Variants in ZFYVE26 observed in about 807,000 individuals in gnomAD.
The protein encoded by ZFYVE26 is zinc finger FYVE-type containing 26.
Under a neutral mutation model 276.5 loss-of-function variants are expected in ZFYVE26, and 181 were observed. That is an observed-to-expected ratio of 0.65 (90% confidence interval 0.58 to 0.74). The LOEUF is 0.74. ZFYVE26 is among the 30% of genes least tolerant of loss of function. ZFYVE26 has a pLI of 0.00. For synonymous variants in ZFYVE26, 1,129 were observed against 1,203.1 expected (o/e 0.94, Z 1.27); for missense variants, 2,821 against 3,097.9 (o/e 0.91, Z 2.12).
chr14:67,809,782 C>T (rs896910347), intron 3 of ZFYVE26, among the ~76,000 whole-genome samples: 7 of 120,112 alleles, frequency 5.8e-5, no homozygotes, highest in Non-Finnish European at 1.2e-4. Context: ...ATTCTTTTCT[C>T]TTTTTTTTTT....
intron 28 of ZFYVE26, among the ~76,000 whole-genome samples, chr14:67,771,588 A>G (rs570217726): frequency 2.3e-4 from 35 of 152,348 alleles, no homozygotes; most frequent in Admixed American, 5.9e-4. Context: ...CCATGAGCCT[A>G]AGAATATATC....
chr14:67,731,207 C>CTTTTTTTTTTTTTT (rs71129853), intron 13 of ZFYVE26, among the ~76,000 whole-genome samples: 13 of 90,604 alleles, frequency 1.4e-4, no homozygotes, highest in Middle Eastern at 9.6e-3. Context: ...TTCTTTCTTT[C>CTTTTTTTTTTTTTT]TTTTTTTTTT....
intron 10 of ZFYVE26, chr14:67,799,457 G>A (rs2040034734): frequency 4.3e-6 from 7 of 1,611,606 alleles, no homozygotes; most frequent in East Asian, 2.2e-5. Flanking sequence ...GGGGCTTGAT[G>A]AAGGCGTGGA....
rs1594917398 is a variant in ZFYVE26 at position 67,786,035 on chromosome 14, A to C, written c.3140-13T>G. The C allele has an allele frequency of 6.2e-7, 1 of 1,614,184 alleles. No individual in the cohort carries two copies. On this transcript the variant is annotated splice_polypyrimidine_tract_variant and intron_variant, in intron 17 of 41. Coordinates refer to ENST00000347230, the MANE Select transcript of ZFYVE26 (RefSeq NM_015346.4). ...TCTTCCACACTCTCTATGGAAAGCA[A>C]ATGAGAAAGAAAAAGTAAAGTCTGT...
At chr14:67,788,902 T>C (rs1159464718) in intron 16 of ZFYVE26, among the ~76,000 whole-genome samples, 5 of 152,186 alleles carry the variant, frequency 3.3e-5, no homozygotes, top group African/African-American at 1.2e-4. Flanking sequence ...CTGATTTCTC[T>C]AAGAATTCTG....
At chr14:67,773,348 C>T (rs1260511047) in intron 27 of ZFYVE26, among the ~76,000 whole-genome samples, 1 of 151,820 alleles carries the variant, frequency 6.6e-6, no homozygotes, top group Non-Finnish European at 1.5e-5. Context: ...TTCAAGAGTT[C>T]GAGACCAGCC....
intron 13 of ZFYVE26, among the ~76,000 whole-genome samples, chr14:67,738,094 T>C (rs746868654): frequency 3.3e-5 from 5 of 151,972 alleles, no homozygotes; most frequent in Non-Finnish European, 7.3e-5. Context: ...TAGCAAATAT[T>C]GGCAAAAATA....
At chr14:67,769,751 G>A (rs748802371) in intron 28 of ZFYVE26, 21 bp from the exon 29 acceptor site, 3 of 1,613,932 alleles carry the variant, frequency 1.9e-6, no homozygotes, top group Non-Finnish European at 2.5e-6. Flanking sequence ...CCATCAGGAG[G>A]AGAAGAAAGA....
intron 22 of ZFYVE26, 67 bp downstream of exon 22, chr14:67,781,266 A>G (rs1566880935): frequency 6.5e-7 from 1 of 1,544,590 alleles, no homozygotes; most frequent in Non-Finnish European, 8.9e-7. Context: ...CCCATCATAT[A>G]AGATAGGTTG....
intron 18 of ZFYVE26, 150 bp downstream of exon 18, chr14:67,785,708 C>T (rs1044189811): frequency 3.7e-5 from 39 of 1,047,438 alleles, no homozygotes; most frequent in Middle Eastern, 3.0e-4. Flanking sequence ...AGTTAAGTTA[C>T]GAGACATTGA....
chr14:67,745,923 C>T (rs1463951946), downstream of ZFYVE26, among the ~76,000 whole-genome samples: 1 of 85,062 alleles, frequency 1.2e-5, no homozygotes, highest in African/African-American at 5.0e-5. Context: ...GAGCTAGACC[C>T]TGTCTCAAAA....
intron 37 of ZFYVE26, among the ~76,000 whole-genome samples, chr14:67,754,434 G>A (rs1011095635): frequency 1.3e-5 from 2 of 152,248 alleles, no homozygotes; most frequent in African/African-American, 4.8e-5. Context: ...TGTGGAACCA[G>A]ATAGGGTCCA....
rs146793500 is a variant in ZFYVE26, at chr14:67,789,555, G to A, written c.2799C>T (p.Leu933=). 145 of 1,614,154 alleles carry A rather than the reference G, an allele frequency of 9.0e-5. 1 individual carries two copies. In the African/African-American group the frequency reaches 1.5e-3, roughly 17 times the overall value. ...YSISDVTDKL[L]NTSGDPIPML... The stretch of plus-strand genomic sequence containing the variant: ...TGGGGATGGGGTCTCCAGAGGTGTT[G>A]AGCAGCTTGTCAGTCACGTCAGAGA... The change falls in exon 16 of 42, where the codon CTC becomes CTT. Residue 933 remains leucine (L), a synonymous_variant. Coordinates refer to ENST00000347230, the MANE Select transcript of ZFYVE26 (RefSeq NM_015346.4).
At position 67,806,641 on chromosome 14, in the gene ZFYVE26, C is replaced by T. The variant is rs1200254941; in HGVS notation, c.921G>A (p.Met307Ile). The change falls in exon 6 of 42, where the codon ATG (methionine) becomes ATA (isoleucine). Residue 307 changes from methionine (M) to isoleucine (I), a missense_variant. Transcript: ENST00000347230. ...GGTTGGGATTGGAGAACAGGGCTAG[C>T]ATTGCCCGCTCAGGATCTAGATGAT... ...SPDHLDPERA[M>I]LALFSNPNPA... 6.2e-7 allele frequency: 1 copy of T among 1,614,194 alleles called. No homozygotes were observed. Among genetic ancestry groups the T allele is most frequent in the Non-Finnish European group, 8.5e-7 (1 of 1,180,014 alleles).
At chr14:67,745,872 A>C (rs2038478030), downstream of ZFYVE26, among the ~76,000 whole-genome samples, 1 of 148,818 alleles carries the variant, frequency 6.7e-6, no homozygotes, top group African/African-American at 2.5e-5. Flanking sequence ...CAAAAAATAA[A>C]AAAAAATTAG....
At chr14:67,812,885 T>A (rs754881825) in intron 3 of ZFYVE26, among the ~76,000 whole-genome samples, 10 of 152,246 alleles carry the variant, frequency 6.6e-5, no homozygotes, top group Non-Finnish European at 1.5e-4. Flanking sequence ...TCAAGTTTTC[T>A]CTTTTAAATC....
intron 15 of ZFYVE26, 79 bp from the exon 16 acceptor site, chr14:67,789,677 T>C: frequency 6.3e-7 from 1 of 1,587,346 alleles, no homozygotes; most frequent in Non-Finnish European, 8.6e-7. Context: ...AAGTAGTTAC[T>C]TTCAAAATGT....
At chr14:67,788,596 G>A (rs1166145884) in intron 16 of ZFYVE26, among the ~76,000 whole-genome samples, 1 of 152,138 alleles carries the variant, frequency 6.6e-6, no homozygotes, top group African/African-American at 2.4e-5. Flanking sequence ...TTACTTTGCT[G>A]ATTTTTCTTT....
At chr14:67,751,734 G>A (rs1221680802) in intron 40 of ZFYVE26, among the ~76,000 whole-genome samples, 3 of 152,192 alleles carry the variant, frequency 2.0e-5, no homozygotes, top group South Asian at 4.2e-4. Context: ...TTAGCCGGGC[G>A]TGGTGGTGGG....
Sources: allele counts gnomAD v4.1 joint callset (sites outside exome capture counted in the v4.1 genomes callset), GRCh38; gene constraint gnomAD v4.1.1; transcripts MANE v1.5; gene names NCBI Gene and HGNC (gene_info 2026-07-23, HGNC 2026-07-21).